NACC2: variants seen among roughly 807,000 people sequenced by gnomAD.
NACC2 encodes the protein nucleus accumbens-associated protein 2.
Under a neutral mutation model 25.1 loss-of-function variants are expected in NACC2, and 8 were observed. That is an observed-to-expected ratio of 0.32 (90% confidence interval 0.19 to 0.57). The LOEUF (loss-of-function observed/expected upper bound fraction) is 0.57, where lower values mean the gene tolerates loss of function less well. NACC2 is among the 20% of genes least tolerant of loss of function. The pLI is 0.89. For missense variants in NACC2, 644 were observed against 650.2 expected, an observed-to-expected ratio of 0.99 and a Z score of 0.10; for synonymous variants, 435 against 294.7, an observed-to-expected ratio of 1.48 and a Z score of -4.88.
intron 1 of NACC2, among the ~76,000 whole-genome samples, chr9:136,061,533 C>T (rs889056578): frequency 2.0e-5 from 3 of 152,144 alleles, no homozygotes; most frequent in African/African-American, 4.8e-5. Context: ...TAGGGGAAGG[C>T]GGATGGATGG....
intron 1 of NACC2, among the ~76,000 whole-genome samples, chr9:136,083,109 G>T (rs1830341070): frequency 6.6e-6 from 1 of 152,200 alleles, no homozygotes; most frequent in Admixed American, 6.5e-5. Context: ...GAAACCTGAG[G>T]GCCCTCTTCC....
At chr9:136,048,967 GAC>G (rs1197421975) in intron 2 of NACC2, among the ~76,000 whole-genome samples, 3 of 152,170 alleles carry the variant, frequency 2.0e-5, no homozygotes, top group Non-Finnish European at 4.4e-5. Flanking sequence ...GGCCAGCCCA[GAC>G]ACACAGTCAG....
At chr9:136,069,635 A>T (rs1841127818) in intron 1 of NACC2, among the ~76,000 whole-genome samples, 1 of 151,934 alleles carries the variant, frequency 6.6e-6, no homozygotes, top group Non-Finnish European at 1.5e-5. Flanking sequence ...TAAAAAGAAT[A>T]GAAAAAGATA....
At chr9:136,040,422 C>T (rs954001934) in intron 2 of NACC2, among the ~76,000 whole-genome samples, 6 of 151,858 alleles carry the variant, frequency 4.0e-5, no homozygotes, top group Non-Finnish European at 8.8e-5. Flanking sequence ...ATATAATTCA[C>T]AAACACATCA....
In NACC2 at chr9:136,011,775, T is replaced by G. The variant is rs749227087; in HGVS notation, c.1505A>C (p.Asp502Ala). 4.2e-5 allele frequency: 65 copies of G among 1,530,680 alleles called. No homozygotes were observed. Among genetic ancestry groups the G allele is most frequent in the Non-Finnish European group, 5.6e-5 (64 of 1,136,892 alleles). The allele number at this position is 1,530,680 out of a possible 1,614,324, so 94.8% of individuals were successfully genotyped here. Residue 502 changes from aspartate (D) to alanine (A), a missense_variant, in exon 6 of 6, where the codon GAC becomes GCC. Coordinates refer to ENST00000277554, the MANE Select transcript of NACC2 (RefSeq NM_144653.5). ...EQRIYAERRG[D>A]AATIVALRTD... The stretch of plus-strand genomic sequence containing the variant: ...TCTCAGAGCCACGATGGTGGCGGCG[T>G]CGCCCCGCCGCTCGGCGTAGATGCG...
rs142415911 is a variant in NACC2 at position 136,014,880 on chromosome 9, T to C, written c.1052-911A>G. Among the ~76,000 whole-genome samples, 1,043 of 152,132 alleles carry C rather than the reference T, an allele frequency of 6.9e-3. 15 individuals are homozygous for C. The highest frequency in any genetic ancestry group is 0.024 in the African/African-American group (986 of 41,474). ...CCCAGGTGTCCCACCAGGGTCTGGG[T>C]GAGCGAGGGCATGGACAAGCAGCAG... On this transcript the variant is annotated intron_variant, in intron 3 of 5. Transcript: ENST00000277554.
At position 136,018,350 on chromosome 9, in the gene NACC2, G is replaced by A. The variant is rs1020085885; in HGVS notation, c.887-1921C>T. Among the ~76,000 whole-genome samples the A allele has an allele frequency of 1.3e-5, 2 of 152,018 alleles. No individual in the cohort carries two copies. Among genetic ancestry groups the A allele is most frequent in the African/African-American group, 2.4e-5 (1 of 41,366 alleles). On this transcript the variant is annotated intron_variant, in intron 2 of 5. Transcript: ENST00000277554. This position sits in a 1 kb window ranked among gnomAD's most constrained non-coding sequence, Gnocchi z 4.4. ...TCCCAGAGTCACCTTTGCACCCAGC[G>A]CCTGTCAGGGAGGGGCAGGCCACCC...
At chr9:136,042,705 GAC>G (rs1202539223) in intron 2 of NACC2, among the ~76,000 whole-genome samples, 4 of 145,372 alleles carry the variant, frequency 2.8e-5, no homozygotes, top group South Asian at 2.2e-4. Flanking sequence ...CACACACACA[GAC>G]ACAGAGACAC....
intron 1 of NACC2, among the ~76,000 whole-genome samples, chr9:136,057,459 A>G (rs1024146005): frequency 6.6e-6 from 1 of 152,210 alleles, no homozygotes; most frequent in African/African-American, 2.4e-5. Flanking sequence ...CACTGGGTCC[A>G]CACACTGTGG....
At chr9:136,081,903 G>A (rs955092938) in intron 1 of NACC2, among the ~76,000 whole-genome samples, 2 of 146,344 alleles carry the variant, frequency 1.4e-5, no homozygotes, top group South Asian at 2.1e-4. Flanking sequence ...ACCGCTTCTC[G>A]CAGTCCAGCC....
At chr9:136,090,162 AGACACCAGC>A (rs1255939549) in intron 1 of NACC2, among the ~76,000 whole-genome samples, 1 of 152,268 alleles carries the variant, frequency 6.6e-6, no homozygotes, top group African/African-American at 2.4e-5. Context: ...TTCTTGGCAC[AGACACCAGC>A]TGGGTGGTAG....
At chr9:136,012,203 CG>C (rs1345063531) in intron 5 of NACC2, among the ~76,000 whole-genome samples, 179 bp from the exon 6 acceptor site, 1 of 152,230 alleles carries the variant, frequency 6.6e-6, no homozygotes, top group African/African-American at 2.4e-5. Flanking sequence ...TCTCACTGCT[CG>C]GCCTGGGAGG....
At chr9:136,082,110 C>A (rs966233221) in intron 1 of NACC2, among the ~76,000 whole-genome samples, 1 of 152,166 alleles carries the variant, frequency 6.6e-6, no homozygotes, top group Admixed American at 6.5e-5. Flanking sequence ...CACGACCTGC[C>A]GGGGCCCTGG....
chr9:136,065,668 T>C (rs559612337), intron 1 of NACC2, among the ~76,000 whole-genome samples: 33 of 147,166 alleles, frequency 2.2e-4, no homozygotes, highest in African/African-American at 8.1e-4. Context: ...TAGCCAGGAG[T>C]GGTGGCACAT....
intron 2 of NACC2, among the ~76,000 whole-genome samples, chr9:136,041,657 A>G (rs1268543539): frequency 2.0e-5 from 3 of 152,190 alleles, no homozygotes; most frequent in African/African-American, 7.2e-5. Context: ...GGGATGACAG[A>G]AATATTCCAA....
rs1840281729 is a variant in NACC2, at chr9:136,020,885, G to A, written c.887-4456C>T. On this transcript the variant is annotated intron_variant, in intron 2 of 5. Coordinates refer to ENST00000277554, the MANE Select transcript of NACC2 (RefSeq NM_144653.5). This position sits in a 1 kb window ranked among gnomAD's most constrained non-coding sequence, Gnocchi z 4.7. ...TTCACAAATGGGGCTTGAGCAACTG[G>A]CCATCCGCACCCACACGTGGCACCA... 6.6e-6 allele frequency among the ~76,000 whole-genome samples: 1 copy of A among 152,176 alleles called. No individual in the cohort carries two copies. Among genetic ancestry groups the A allele is most frequent in the East Asian group, 1.9e-4 (1 of 5,170 alleles).
chr9:136,033,157 C>G (rs1840497891), intron 2 of NACC2, among the ~76,000 whole-genome samples: 1 of 151,886 alleles, frequency 6.6e-6, no homozygotes, highest in Non-Finnish European at 1.5e-5. Flanking sequence ...GCCGGGGCAA[C>G]AGAGTGAGAC....
rs1441913821 is a variant in NACC2, at chr9:136,007,297, A to T, written c.*4219T>A. The T allele has an allele frequency of 6.5e-6, 1 of 154,428 alleles. No homozygotes were observed. Among genetic ancestry groups the T allele is most frequent in the East Asian group, 1.9e-4 (1 of 5,194 alleles). 9.6% of individuals were successfully genotyped at this position (154,428 alleles called of 1,614,324 possible). A position where few individuals can be genotyped will look rare whatever the true frequency, so the allele number is the denominator to read the frequency against. Reference sequence around the variant, plus strand: ...CACGAAAAACCTTTGCCATTTTAGAACCATCTTGTACCAAACCCTAAATGC... The same window carrying T: ...CACGAAAAACCTTTGCCATTTTAGATCCATCTTGTACCAAACCCTAAATGC... On this transcript the variant is annotated 3_prime_UTR_variant, in exon 6 of 6. Coordinates refer to ENST00000277554, the MANE Select transcript of NACC2 (RefSeq NM_144653.5).
intron 1 of NACC2, among the ~76,000 whole-genome samples, chr9:136,068,331 C>T (rs1232492031): frequency 1.3e-5 from 2 of 151,610 alleles, no homozygotes; most frequent in Non-Finnish European, 1.5e-5. Context: ...AACCCTGTCT[C>T]TACCAAAAAA....
Sources: gnomAD v4.1 joint callset for allele counts (sites outside exome capture counted in the v4.1 genomes callset) on GRCh38, gnomAD v4.1.1 for gene constraint, Gnocchi (gnomAD v3.1) non-coding constraint, MANE v1.5 for transcripts, NCBI Gene and HGNC (gene_info 2026-07-23, HGNC 2026-07-21) for gene names.